The following CDH13 variants were observed in gnomAD, a reference collection of about 807,000 sequenced individuals.
The protein encoded by CDH13 is cadherin-13.
CDH13 carries 24 observed loss-of-function variants against 63.8 expected under a neutral mutation model. That is an observed-to-expected ratio of 0.38 (90% CI 0.27 to 0.53). CDH13 has a LOEUF of 0.53. Ranked by LOEUF, CDH13 falls within the 20% of genes least tolerant of loss-of-function variation. CDH13 has a pLI of 0.85. For synonymous variants in CDH13, 503 were observed against 355.3 expected (o/e 1.42, Z -4.67); for missense variants, 1,049 against 903.1 (o/e 1.16, Z -2.07).
chr16:83,719,786 C>A (rs1244800566), intron 10 of CDH13, among the ~76,000 whole-genome samples: 1 of 152,160 alleles, frequency 6.6e-6, no homozygotes, highest in African/African-American at 2.4e-5. Flanking sequence ...CAATCCCACT[C>A]CCTCTCCATC....
intron 4 of CDH13, among the ~76,000 whole-genome samples, chr16:83,189,116 A>G (rs1377359339): frequency 2.0e-5 from 3 of 152,066 alleles, no homozygotes; most frequent in Non-Finnish European, 4.4e-5. Context: ...AAGTACATTG[A>G]TTTTTTGCTT....
intron 8 of CDH13, among the ~76,000 whole-genome samples, chr16:83,647,404 A>C (rs1316770349): frequency 6.6e-6 from 1 of 151,794 alleles, no homozygotes. Flanking sequence ...CAGGAGGCTT[A>C]CCTTTCTGTT....
chr16:83,328,905 G>T (rs1439324229), intron 5 of CDH13, among the ~76,000 whole-genome samples: 2 of 152,136 alleles, frequency 1.3e-5, no homozygotes, highest in Non-Finnish European at 2.9e-5. Flanking sequence ...TAAAAGGAAG[G>T]TGGTTCTGAT....
chr16:83,149,811 G>A (rs751533985), intron 4 of CDH13, among the ~76,000 whole-genome samples: 9 of 152,142 alleles, frequency 5.9e-5, no homozygotes, highest in Non-Finnish European at 8.8e-5. Context: ...TGTATTCAGC[G>A]ATGTCTTGTT....
At chr16:82,842,575 T>C (rs943934197) in intron 1 of CDH13, among the ~76,000 whole-genome samples, 1 of 152,152 alleles carries the variant, frequency 6.6e-6, no homozygotes, top group Non-Finnish European at 1.5e-5. Flanking sequence ...GCTGTTTCTA[T>C]GAGGTCAGAA....
At chr16:82,948,093 A>G (rs1017281923) in intron 2 of CDH13, among the ~76,000 whole-genome samples, 2 of 152,216 alleles carry the variant, frequency 1.3e-5, no homozygotes, top group Non-Finnish European at 2.9e-5. Context: ...TTGTCATACA[A>G]TGCTTAGTAA....
At chr16:83,136,011 G>C (rs1450897951) in intron 4 of CDH13, among the ~76,000 whole-genome samples, 3 of 151,986 alleles carry the variant, frequency 2.0e-5, no homozygotes, top group African/African-American at 7.3e-5. Flanking sequence ...CGGACTTTGG[G>C]GACTGGGAGG....
chr16:83,290,068 C>T lies in CDH13; in HGVS notation c.637-54794C>T, dbSNP rs572565836. 1.3e-4 allele frequency among the ~76,000 whole-genome samples: 20 copies of T among 152,202 alleles called. No individual in the cohort carries two copies. The South Asian group carries it at 2.7e-3, about 21-fold the overall frequency. On this transcript the variant is annotated intron_variant, in intron 5 of 13. Transcript: ENST00000567109. The stretch of plus-strand genomic sequence containing the variant: ...GTTTGGGGACTTTCTACTGATGGAC[C>T]CATGCTGTGTATACTCTTTTCTGTC...
At chr16:83,271,541 C>G (rs1335689835) in intron 5 of CDH13, among the ~76,000 whole-genome samples, 2 of 146,390 alleles carry the variant, frequency 1.4e-5, no homozygotes, top group Admixed American at 6.9e-5. Flanking sequence ...AAAAAAAACG[C>G]TGTACCTAGA....
In CDH13 at chr16:82,995,650, A is replaced by G. The variant is rs551485773; in HGVS notation, c.158-36360A>G. On this transcript the variant is annotated intron_variant, in intron 2 of 13. Coordinates refer to ENST00000567109, the MANE Select transcript of CDH13 (RefSeq NM_001257.5). The stretch of plus-strand genomic sequence containing the variant: ...ATCTGATATCACCTATTATAACACC[A>G]TGGTGTATCGTAAAAACACACCAAA... 3.9e-5 allele frequency among the ~76,000 whole-genome samples: 6 copies of G among 152,252 alleles called. No homozygotes were observed. The South Asian group carries it at 8.3e-4, about 21-fold the overall frequency.
intron 4 of CDH13, among the ~76,000 whole-genome samples, chr16:83,169,497 T>G (rs1045270781): frequency 6.6e-6 from 1 of 151,982 alleles, no homozygotes; most frequent in African/African-American, 2.4e-5. Flanking sequence ...TGGGCCACTT[T>G]GATTGATGAA....
At position 83,451,358 on chromosome 16, in the gene CDH13, G is replaced by T. The variant is rs562923346; in HGVS notation, c.782-35119G>T. The stretch of plus-strand genomic sequence containing the variant: ...CCTTTATAAAACCATCAGATCTCAT[G>T]AGACTTATTCCCTATCATGAGAACA... On this transcript the variant is annotated intron_variant, in intron 6 of 13. Coordinates refer to ENST00000567109, the MANE Select transcript of CDH13 (RefSeq NM_001257.5). 4.6e-5 allele frequency among the ~76,000 whole-genome samples: 7 copies of T among 152,260 alleles called. No homozygotes were observed. In the South Asian group the frequency reaches 1.0e-3, roughly 23 times the overall value.
chr16:82,818,557 T>A (rs562732034), intron 1 of CDH13, among the ~76,000 whole-genome samples: 2 of 152,246 alleles, frequency 1.3e-5, no homozygotes, highest in South Asian at 4.1e-4. Flanking sequence ...GGGTAGGAGT[T>A]TTTTAGAAAG....
At chr16:82,892,518 C>T (rs969291744) in intron 2 of CDH13, among the ~76,000 whole-genome samples, 1 of 152,154 alleles carries the variant, frequency 6.6e-6, no homozygotes, top group African/African-American at 2.4e-5. Context: ...AAATGACAGT[C>T]TGTGTAGAGT....
chr16:82,942,313 A>G (rs989776988), intron 2 of CDH13, among the ~76,000 whole-genome samples: 3 of 152,204 alleles, frequency 2.0e-5, no homozygotes, highest in African/African-American at 7.2e-5. Context: ...CATAAATCAA[A>G]TAACCAATAT....
At chr16:82,895,196 C>A (rs568316594) in intron 2 of CDH13, among the ~76,000 whole-genome samples, 1 of 152,288 alleles carries the variant, frequency 6.6e-6, no homozygotes, top group South Asian at 2.1e-4. Context: ...CATTAAGCAG[C>A]CGTTCTGCAT....
At chr16:83,383,544 A>C (rs576809171) in intron 6 of CDH13, among the ~76,000 whole-genome samples, 28 of 152,282 alleles carry the variant, frequency 1.8e-4, no homozygotes, top group African/African-American at 6.5e-4. Flanking sequence ...TTCTACTGCA[A>C]GGAAGACTGT....
At chr16:82,869,637 C>G (rs1197919034) in intron 2 of CDH13, among the ~76,000 whole-genome samples, 2 of 152,072 alleles carry the variant, frequency 1.3e-5, no homozygotes, top group Non-Finnish European at 2.9e-5. Context: ...AAAACAGATG[C>G]ATAGACCAAT....
intron 3 of CDH13, among the ~76,000 whole-genome samples, chr16:83,087,671 CAAAAAAAAAAAAAA>C (rs67228844): frequency 9.1e-5 from 4 of 43,998 alleles, no homozygotes; most frequent in African/African-American, 3.5e-4. Flanking sequence ...CCCTCCGTCT[CAAAAAAAAAAAAAA>C]AAAAAAAAAA....
Sources: allele counts gnomAD v4.1 joint callset (sites outside exome capture counted in the v4.1 genomes callset), GRCh38; gene constraint gnomAD v4.1.1; transcripts MANE v1.5; gene names NCBI Gene and HGNC (gene_info 2026-07-23, HGNC 2026-07-21).